Variants in PRKD1 observed in about 807,000 individuals in gnomAD.
PRKD1 encodes serine/threonine-protein kinase D1.
Under a neutral mutation model 95.9 loss-of-function variants are expected in PRKD1, and 63 were observed. The observed-to-expected ratio is 0.66, with a 90% CI of 0.54 to 0.81. PRKD1 has a LOEUF of 0.81. Among genes scored for constraint, PRKD1 ranks in the 30% least tolerant of loss-of-function variants. The probability of loss-of-function intolerance (pLI) is 0.00; values close to 1 mark genes in which losing one functional copy is unlikely to be tolerated. For synonymous variants in PRKD1, 425 were observed against 423.1 expected (o/e 1.00, Z -0.05); for missense variants, 1,048 against 1,165.3 (o/e 0.90, Z 1.47).
chr14:29,765,184 C>T (rs1473135492), intron 1 of PRKD1, among the ~76,000 whole-genome samples: 1 of 151,982 alleles, frequency 6.6e-6, no homozygotes, highest in East Asian at 1.9e-4. Flanking sequence ...AACTAGTATC[C>T]AGAAGATAAC....
intron 4 of PRKD1, among the ~76,000 whole-genome samples, chr14:29,654,176 T>A (rs1881698412): frequency 6.6e-6 from 1 of 152,130 alleles, no homozygotes; most frequent in Admixed American, 6.5e-5. Context: ...TTACTTTATT[T>A]ATTATTATTT....
chr14:29,827,726 T>C (rs1471430254), intron 1 of PRKD1, among the ~76,000 whole-genome samples: 2 of 152,304 alleles, frequency 1.3e-5, no homozygotes, highest in South Asian at 4.1e-4. Flanking sequence ...TATTATATAT[T>C]CTCTGGTTTC....
intron 1 of PRKD1, among the ~76,000 whole-genome samples, chr14:29,892,660 GT>G (rs1468263574): frequency 6.6e-6 from 1 of 152,188 alleles, no homozygotes; most frequent in Non-Finnish European, 1.5e-5. Flanking sequence ...ACTGGCTTCA[GT>G]GTGCCAAAAT....
intron 2 of PRKD1, among the ~76,000 whole-genome samples, chr14:29,707,030 T>TA (rs199652826): frequency 5.3e-5 from 8 of 151,890 alleles, no homozygotes; most frequent in South Asian, 2.1e-4. Flanking sequence ...TCTAATGTAT[T>TA]AAAAAAAATG....
intron 4 of PRKD1, among the ~76,000 whole-genome samples, chr14:29,661,532 A>G (rs1882190872): frequency 6.6e-6 from 1 of 152,182 alleles, no homozygotes; most frequent in Admixed American, 6.5e-5. Context: ...AAGCGAAGAC[A>G]TGAAAGGGAA....
intron 13 of PRKD1, among the ~76,000 whole-genome samples, chr14:29,602,555 G>C (rs1007192250): frequency 6.6e-6 from 1 of 151,394 alleles, no homozygotes; most frequent in African/African-American, 2.4e-5. Flanking sequence ...TCAGCCTCCC[G>C]GGTAGCTGGG....
chr14:29,731,678 A>T (rs1470867958), intron 1 of PRKD1, among the ~76,000 whole-genome samples: 1 of 152,160 alleles, frequency 6.6e-6, no homozygotes, highest in Non-Finnish European at 1.5e-5. Context: ...GTTTCATAAT[A>T]TGTGGTGTCC....
chr14:29,689,653 A>C (rs895653730), intron 2 of PRKD1, among the ~76,000 whole-genome samples: 2 of 152,214 alleles, frequency 1.3e-5, no homozygotes, highest in Non-Finnish European at 2.9e-5. Context: ...AAATCATTCT[A>C]CTATAAAGAT....
At chr14:29,685,317 T>C (rs1883794090) in intron 2 of PRKD1, among the ~76,000 whole-genome samples, 1 of 152,232 alleles carries the variant, frequency 6.6e-6, no homozygotes, top group Non-Finnish European at 1.5e-5. Flanking sequence ...ATTCCAAATG[T>C]ATTTGAGAAA....
intron 13 of PRKD1, among the ~76,000 whole-genome samples, chr14:29,608,601 T>C (rs1013898608): frequency 4.6e-5 from 7 of 152,202 alleles, no homozygotes; most frequent in African/African-American, 9.7e-5. Context: ...CAGGATACTA[T>C]ATAACTTACT....
At chr14:29,880,961 A>G (rs532956506) in intron 1 of PRKD1, among the ~76,000 whole-genome samples, 1 of 152,260 alleles carries the variant, frequency 6.6e-6, no homozygotes, top group Admixed American at 6.5e-5. Context: ...TTTTGATTTT[A>G]CAGGCTCATA....
At chr14:29,679,676 G>T (rs749139401) in intron 2 of PRKD1, among the ~76,000 whole-genome samples, 1 of 151,774 alleles carries the variant, frequency 6.6e-6, no homozygotes, top group Non-Finnish European at 1.5e-5. Context: ...CAAAGAAAAG[G>T]GAGGGTATAG....
intron 1 of PRKD1, among the ~76,000 whole-genome samples, chr14:29,863,621 G>C (rs1892782919): frequency 1.3e-5 from 2 of 152,040 alleles, no homozygotes; most frequent in South Asian, 4.1e-4. Flanking sequence ...TGATCACAAA[G>C]TGACATATTA....
Position 29,885,804 on chromosome 14 carries a change from T to TAA in PRKD1, c.264+41443_264+41444dup, listed in dbSNP as rs759317394. ...CAACATGGTGAAACCCCATCTTTAC[T>TAA]AAAAAAAAAAAAAAAAAAAAAAAAA... On this transcript the variant is annotated intron_variant, in intron 1 of 17. Transcript: ENST00000331968. 8.0e-3 allele frequency among the ~76,000 whole-genome samples: 428 copies of TAA among 53,482 alleles called. 19 individuals are homozygous for TAA. The highest frequency in any genetic ancestry group is 0.013 in the Middle Eastern group (1 of 76). The allele number at this position is 53,482 out of a possible 152,430, so 35.1% of individuals were successfully genotyped here.
chr14:29,668,083 A>G (rs985301839), intron 2 of PRKD1, among the ~76,000 whole-genome samples: 6 of 152,192 alleles, frequency 3.9e-5, no homozygotes, highest in Admixed American at 6.6e-5. Flanking sequence ...AAATAAAACT[A>G]TGAAGTGTGG....
rs1337747894 is a variant in PRKD1 at position 29,624,160 on chromosome 14, T to C, written c.1897A>G (p.Ile633Val). ...QESQLRNEVA[I>V]LQNLHHPGVV... The stretch of plus-strand genomic sequence containing the variant: ...GAGAACCAAAGAAGTACCTGTAGAA[T>C]TGCAACCTCATTACGAAGCTGGCTT... The change falls in exon 13 of 18, where the codon ATT (isoleucine) becomes GTT (valine). Residue 633 changes from isoleucine to valine, a missense_variant. Physicochemically the swap from Ile to Val is conservative, Grantham distance 29. Coordinates refer to ENST00000331968, the MANE Select transcript of PRKD1 (RefSeq NM_002742.3). 9 of 1,598,758 alleles carry C rather than the reference T, an allele frequency of 5.6e-6. No individual in the cohort carries two copies. The highest frequency in any genetic ancestry group is 5.1e-5 in the Admixed American group (3 of 58,268).
Position 29,725,419 on chromosome 14 carries a change from T to C in PRKD1, c.403+117A>G, listed in dbSNP as rs1286633330. 8.0e-6 allele frequency: 10 copies of C among 1,252,680 alleles called. No homozygotes were observed. The African/African-American group carries it at 1.4e-4, about 17-fold the overall frequency. The allele number at this position is 1,252,680 out of a possible 1,614,324, so 77.6% of individuals were successfully genotyped here. On this transcript the variant is annotated intron_variant, in intron 2 of 17. Transcript: ENST00000331968. ...TCATGTGGACAGAGCTCCAACATCT[T>C]CTCTTGGAGCTGAGTTTGAGATATG...
At position 29,808,546 on chromosome 14, in the gene PRKD1, C is replaced by A. The variant is rs576572727; in HGVS notation, c.265-82872G>T. ...TCCCAAGTAGCTGGGATTACAGGCA[C>A]CTGCCACCACACTCAGCTAATTTTT... On this transcript the variant is annotated intron_variant, in intron 1 of 17. Coordinates refer to ENST00000331968, the MANE Select transcript of PRKD1 (RefSeq NM_002742.3). 6.7e-4 allele frequency among the ~76,000 whole-genome samples: 101 copies of A among 151,290 alleles called. 1 individual carries two copies. In the South Asian group the frequency reaches 0.02, roughly 30 times the overall value.
At chr14:29,668,855 G>C (rs1334118788) in intron 2 of PRKD1, among the ~76,000 whole-genome samples, 2 of 152,082 alleles carry the variant, frequency 1.3e-5, no homozygotes, top group Non-Finnish European at 2.9e-5. Flanking sequence ...CAATCTATAA[G>C]GTAGTTATTA....
Sources: allele counts gnomAD v4.1 joint callset (sites outside exome capture counted in the v4.1 genomes callset), GRCh38; gene constraint gnomAD v4.1.1; transcripts MANE v1.5; gene names NCBI Gene and HGNC (gene_info 2026-07-23, HGNC 2026-07-21).